Variants in BTBD9 observed in about 807,000 individuals in gnomAD.
BTBD9 encodes the protein BTB/POZ domain-containing protein 9.
BTBD9 carries 49 observed loss-of-function variants against 64.3 expected under a neutral mutation model. The observed-to-expected ratio is 0.76, with a 90% confidence interval of 0.61 to 0.97. BTBD9 has a LOEUF of 0.97. BTBD9 is among the 50% of genes least tolerant of loss of function. The pLI, the probability that BTBD9 is intolerant of heterozygous loss-of-function variation, is 0.00. For missense variants in BTBD9, 598 were observed against 762.1 expected, an observed-to-expected ratio of 0.78 and a Z score of 2.53; for synonymous variants, 260 against 274.7, an observed-to-expected ratio of 0.95 and a Z score of 0.53.
chr6:38,302,485 G>GTATGTGTGTGTGTGTGTATATATATATA (rs1384155514), intron 7 of BTBD9, among the ~76,000 whole-genome samples: 14 of 106,894 alleles, frequency 1.3e-4, no homozygotes, highest in African/African-American at 5.0e-4. Flanking sequence ...TTGTGTGTAT[G>GTATGTGTGTGTGTGTGTATATATATATA]TATATATATA....
intron 6 of BTBD9, among the ~76,000 whole-genome samples, chr6:38,402,086 T>C (rs1229718898): frequency 2.6e-5 from 4 of 152,066 alleles, no homozygotes; most frequent in Admixed American, 6.5e-5. Flanking sequence ...AAGAAAACAA[T>C]TTCATTTACA....
At chr6:38,285,221 C>T (rs1465762895) in intron 8 of BTBD9, among the ~76,000 whole-genome samples, 2 of 152,064 alleles carry the variant, frequency 1.3e-5, no homozygotes, top group Non-Finnish European at 2.9e-5. Flanking sequence ...AGTGAAACAA[C>T]TATTGTGCAA....
chr6:38,389,272 T>C (rs1278188044), intron 6 of BTBD9, among the ~76,000 whole-genome samples: 2 of 152,208 alleles, frequency 1.3e-5, no homozygotes, highest in Non-Finnish European at 2.9e-5. Flanking sequence ...CAGAGAAATA[T>C]GCTCAGATGT....
At chr6:38,595,221 G>A (rs1322191356) in intron 2 of BTBD9, among the ~76,000 whole-genome samples, 1 of 152,164 alleles carries the variant, frequency 6.6e-6, no homozygotes, top group Non-Finnish European at 1.5e-5. Flanking sequence ...AAAATCAGAA[G>A]AAATTCATAT....
chr6:38,280,230 C>G (rs569964792), intron 8 of BTBD9, among the ~76,000 whole-genome samples: 47 of 152,324 alleles, frequency 3.1e-4, no homozygotes, highest in African/African-American at 1.1e-3. Context: ...TGCATTCACA[C>G]AGTTCAGACT....
chr6:38,570,805 G>A (rs941101092), intron 6 of BTBD9, among the ~76,000 whole-genome samples: 1 of 152,094 alleles, frequency 6.6e-6, no homozygotes, highest in African/African-American at 2.4e-5. Context: ...CATAATTAAC[G>A]CTCCACATCA....
chr6:38,581,407 T>C (rs1776279875), intron 4 of BTBD9, among the ~76,000 whole-genome samples: 1 of 152,206 alleles, frequency 6.6e-6, no homozygotes, highest in Admixed American at 6.5e-5. Flanking sequence ...TTAAAAAAGA[T>C]ATCTTTTTTC....
At chr6:38,410,253 T>C (rs1046657199) in intron 6 of BTBD9, among the ~76,000 whole-genome samples, 2 of 151,994 alleles carry the variant, frequency 1.3e-5, no homozygotes, top group African/African-American at 2.4e-5. Context: ...GGAGGATCAC[T>C]TGAGTCTAGT....
chr6:38,557,444 C>T (rs1775078306), intron 6 of BTBD9, among the ~76,000 whole-genome samples: 1 of 152,198 alleles, frequency 6.6e-6, no homozygotes. Flanking sequence ...ATTATAAGTT[C>T]AATATGCTCT....
At chr6:38,206,418 T>A (rs1762654097) in intron 9 of BTBD9, among the ~76,000 whole-genome samples, 1 of 151,978 alleles carries the variant, frequency 6.6e-6, no homozygotes, top group African/African-American at 2.4e-5. Context: ...TTTTTGTATT[T>A]TTAGTAGAGA....
At chr6:38,428,628 G>C (rs1768289004) in intron 6 of BTBD9, among the ~76,000 whole-genome samples, 1 of 151,694 alleles carries the variant, frequency 6.6e-6, no homozygotes. Context: ...TCTCAAAAAT[G>C]AGTAAATGAA....
At chr6:38,244,536 C>T (rs962359173) in intron 9 of BTBD9, among the ~76,000 whole-genome samples, 2 of 151,896 alleles carry the variant, frequency 1.3e-5, no homozygotes, top group South Asian at 2.1e-4. Flanking sequence ...ATTAACCAGA[C>T]GAACTTGGGA....
At chr6:38,516,573 T>C (rs1402570511) in intron 6 of BTBD9, among the ~76,000 whole-genome samples, 1 of 152,180 alleles carries the variant, frequency 6.6e-6, no homozygotes, top group Non-Finnish European at 1.5e-5. Flanking sequence ...GAGCATTCAG[T>C]AGGTGACATG....
intron 7 of BTBD9, among the ~76,000 whole-genome samples, chr6:38,334,637 A>T (rs200571304): frequency 6.9e-6 from 1 of 145,404 alleles, no homozygotes; most frequent in African/African-American, 2.7e-5. Flanking sequence ...TAAAATAAAT[A>T]AAATAATAAA....
At chr6:38,573,988 A>G (rs555421672) in intron 6 of BTBD9, among the ~76,000 whole-genome samples, 253 of 152,326 alleles carry the variant, frequency 1.7e-3, no homozygotes, top group Non-Finnish European at 2.1e-3. Context: ...GAAAAGGCTG[A>G]TAAGACATAA....
intron 6 of BTBD9, among the ~76,000 whole-genome samples, chr6:38,537,022 T>C (rs1026967735): frequency 3.9e-5 from 6 of 152,128 alleles, no homozygotes; most frequent in Admixed American, 3.9e-4. Context: ...AGATGATGAA[T>C]ATCCCATTTA....
chr6:38,475,241 T>A (rs1770826175), intron 6 of BTBD9, among the ~76,000 whole-genome samples: 1 of 152,224 alleles, frequency 6.6e-6, no homozygotes, highest in African/African-American at 2.4e-5. Context: ...TATGGGTGAT[T>A]TTTACCATCT....
chr6:38,492,324 T>G (rs143374787), intron 6 of BTBD9, among the ~76,000 whole-genome samples: 1 of 152,200 alleles, frequency 6.6e-6, no homozygotes. Context: ...CTTTAGCCCA[T>G]GCTATTTCTA....
At chr6:38,206,420 T>C (rs1431899368) in intron 9 of BTBD9, among the ~76,000 whole-genome samples, 2 of 151,790 alleles carry the variant, frequency 1.3e-5, no homozygotes, top group African/African-American at 4.8e-5. Context: ...TTTGTATTTT[T>C]AGTAGAGATG....
Sources: gnomAD v4.1 joint callset for allele counts (sites outside exome capture counted in the v4.1 genomes callset) on GRCh38, gnomAD v4.1.1 for gene constraint, MANE v1.5 for transcripts, NCBI Gene and HGNC (gene_info 2026-07-23, HGNC 2026-07-21) for gene names.